The following GLT8D2 variants were observed in gnomAD, a reference collection of about 807,000 sequenced individuals.
GLT8D2 encodes glycosyltransferase 8 domain-containing protein 2.
GLT8D2 carries 45 observed loss-of-function variants against 44.5 expected under a neutral mutation model. That is an observed-to-expected ratio of 1.01 (90% CI 0.80 to 1.30). The LOEUF (loss-of-function observed/expected upper bound fraction) is 1.30. GLT8D2 is among the 50% of genes most tolerant of loss of function. The pLI is 0.00. For synonymous variants in GLT8D2, 156 were observed against 157.2 expected, an observed-to-expected ratio of 0.99 and a Z score of 0.06; for missense variants, 400 against 430.4, an observed-to-expected ratio of 0.93 and a Z score of 0.62.
At chr12:104,043,265 T>C (rs1880755442) in intron 1 of GLT8D2, among the ~76,000 whole-genome samples, 1 of 152,184 alleles carries the variant, frequency 6.6e-6, no homozygotes, top group Middle Eastern at 3.2e-3. Context: ...TCCTGACTCA[T>C]GGCTTTAAAT....
At chr12:104,045,962 A>AAAGAAAGAAAAT (rs774298467) in intron 1 of GLT8D2, among the ~76,000 whole-genome samples, 5 of 150,106 alleles carry the variant, frequency 3.3e-5, no homozygotes, top group African/African-American at 9.7e-5. Flanking sequence ...AGAAAATAAG[A>AAAGAAAGAAAAT]AAGAAAGAAA....
chr12:104,028,794 T>C (rs1878881990), intron 1 of GLT8D2, among the ~76,000 whole-genome samples: 1 of 152,174 alleles, frequency 6.6e-6, no homozygotes, highest in African/African-American at 2.4e-5. Flanking sequence ...ATCCTGTGCC[T>C]TGAGGTGTGA....
At chr12:104,061,229 C>G (rs35775170) in intron 1 of GLT8D2, among the ~76,000 whole-genome samples, 1 of 152,236 alleles carries the variant, frequency 6.6e-6, no homozygotes, top group Non-Finnish European at 1.5e-5. Flanking sequence ...AGCTCCCTAT[C>G]TAAGCCACCA....
At chr12:104,022,544 A>T (rs1878035942) in intron 1 of GLT8D2, among the ~76,000 whole-genome samples, 2 of 152,140 alleles carry the variant, frequency 1.3e-5, no homozygotes, top group African/African-American at 4.8e-5. Context: ...TTTTCAGTTG[A>T]TAGTCTTACA....
chr12:104,005,878 A>G (rs1874931848), intron 4 of GLT8D2, among the ~76,000 whole-genome samples: 1 of 152,236 alleles, frequency 6.6e-6, no homozygotes, highest in East Asian at 1.9e-4. Flanking sequence ...CCATCCCATT[A>G]CTGGGTATAT....
rs796916710 is a variant in GLT8D2, at chr12:104,012,185, A to T, written c.112+2828T>A. On this transcript the variant is annotated intron_variant, in intron 4 of 10. Coordinates refer to ENST00000360814, the MANE Select transcript of GLT8D2 (RefSeq NM_001384711.1). ...AACTCTGTCTCAAAAAAAAAAAAAAAAAAAATATATATATATATATATATA... is the reference window on the plus strand; with the variant it reads ...AACTCTGTCTCAAAAAAAAAAAAAATAAAAATATATATATATATATATATA... 3.6e-3 allele frequency among the ~76,000 whole-genome samples: 310 copies of T among 85,918 alleles called. 3 individuals are homozygous for T. Among genetic ancestry groups the T allele is most frequent in the African/African-American group, 1.0e-2 (227 of 22,738 alleles). The allele number at this position is 85,918 out of a possible 152,430, so 56.4% of individuals were successfully genotyped here.
intron 10 of GLT8D2, among the ~76,000 whole-genome samples, chr12:103,992,771 C>T (rs548206913): frequency 2.6e-5 from 4 of 152,192 alleles, no homozygotes; most frequent in East Asian, 1.9e-4. Flanking sequence ...GGATTACAAG[C>T]GTGAGCCACC....
chr12:104,001,986 T>C lies in GLT8D2; in HGVS notation c.284+1149A>G, dbSNP rs568165754. On this transcript the variant is annotated intron_variant, in intron 5 of 10. Transcript: ENST00000360814. ...ACTGCGCCCAGCCTTATTTATTTAT[T>C]TTTAGCTGAAACAAGGTCTCACTCT... Among the ~76,000 whole-genome samples the C allele has an allele frequency of 3.3e-5, 5 of 152,286 alleles. No homozygotes were observed. The South Asian group carries it at 1.0e-3, about 32-fold the overall frequency.
chr12:104,038,199 G>T (rs1880123517), intron 1 of GLT8D2, among the ~76,000 whole-genome samples: 1 of 152,148 alleles, frequency 6.6e-6, no homozygotes, highest in Admixed American at 6.5e-5. Flanking sequence ...TACTGAATGG[G>T]CAAAAACTGA....
intron 1 of GLT8D2, among the ~76,000 whole-genome samples, chr12:104,061,495 A>C (rs530914734): frequency 6.6e-6 from 1 of 152,340 alleles, no homozygotes; most frequent in African/African-American, 2.4e-5. Context: ...TGAAAAACTC[A>C]CTGCTTTATT....
chr12:103,997,095 C>T (rs943507689), intron 7 of GLT8D2, among the ~76,000 whole-genome samples: 1 of 152,168 alleles, frequency 6.6e-6, no homozygotes, highest in Admixed American at 6.5e-5. Context: ...CACACCAATG[C>T]GTATCCTGTT....
chr12:104,012,949 C>T (rs916935054), intron 4 of GLT8D2: 1 of 570,144 alleles, frequency 1.8e-6, no homozygotes, highest in Non-Finnish European at 3.1e-6. Flanking sequence ...AGAGAGGCCT[C>T]AGGAGAAACA....
chr12:103,996,735 C>T lies in GLT8D2; in HGVS notation c.600G>A (p.Gln200=), dbSNP rs762078725. 5 of 1,608,070 alleles carry T rather than the reference C, an allele frequency of 3.1e-6. No homozygotes were observed. Among genetic ancestry groups the T allele is most frequent in the Non-Finnish European group, 4.3e-6 (5 of 1,175,656 alleles). ...AQDINRLVGL[Q]NTYMGYLDYR... is the part of the protein sequence containing the mutation. ...GATTTCTGAGACAGCATATGCCCAC[C>T]TGAAGTCCCACGAGTCTGTTTATGT... Residue 200 remains glutamine, a splice_region_variant and synonymous_variant, in exon 8 of 11, where the codon CAG becomes CAA. Coordinates refer to ENST00000360814, the MANE Select transcript of GLT8D2 (RefSeq NM_001384711.1).
At chr12:104,015,172 A>C in intron 3 of GLT8D2, 67 bp from the exon 4 acceptor site, 2 of 1,244,558 alleles carry the variant, frequency 1.6e-6, no homozygotes, top group South Asian at 1.2e-5. Context: ...CAAAGTTTAG[A>C]ATGGTAGTGC....
At chr12:104,052,021 T>C (rs1367644878), upstream of GLT8D2, among the ~76,000 whole-genome samples, 1 of 152,294 alleles carries the variant, frequency 6.6e-6, no homozygotes, top group East Asian at 1.9e-4. Context: ...AAAAAAACAC[T>C]GGGAACAAAA....
At chr12:104,059,690 A>AGTCTG (rs1469195827) in intron 1 of GLT8D2, among the ~76,000 whole-genome samples, 1 of 152,174 alleles carries the variant, frequency 6.6e-6, no homozygotes, top group Non-Finnish European at 1.5e-5. Flanking sequence ...TGGGTACAGT[A>AGTCTG]GTCTGGGAAA....
rs7959586 is a variant in GLT8D2 at position 104,015,347 on chromosome 12, G to A, written c.20-242C>T. Among the ~76,000 whole-genome samples the A allele has an allele frequency of 7.1e-3, 1,068 of 150,966 alleles. 16 individuals are homozygous for A. The highest frequency in any genetic ancestry group is 0.024 in the African/African-American group (988 of 41,084). ...TGGATCACCTGAGCTCAGGAGTTTC[G>A]AGACCAGCCTGGGCAACAGAGTGGG... On this transcript the variant is annotated intron_variant, in intron 3 of 10. Coordinates refer to ENST00000360814, the MANE Select transcript of GLT8D2 (RefSeq NM_001384711.1).
chr12:104,040,238 A>G (rs1880385150), intron 1 of GLT8D2, among the ~76,000 whole-genome samples: 1 of 152,220 alleles, frequency 6.6e-6, no homozygotes, highest in Non-Finnish European at 1.5e-5. Context: ...TGGCCCATGT[A>G]TACCTATGTA....
chr12:104,028,481 G>A (rs911675088), intron 1 of GLT8D2, among the ~76,000 whole-genome samples: 6 of 152,134 alleles, frequency 3.9e-5, no homozygotes, highest in African/African-American at 1.4e-4. Flanking sequence ...AAAATCATGT[G>A]GAAATCCTTT....
Sources: gnomAD v4.1 joint callset for allele counts (sites outside exome capture counted in the v4.1 genomes callset) on GRCh38, gnomAD v4.1.1 for gene constraint, MANE v1.5 for transcripts, NCBI Gene and HGNC (gene_info 2026-07-23, HGNC 2026-07-21) for gene names.